WDFY3: variants seen among roughly 807,000 people sequenced by gnomAD.
WDFY3 encodes the protein WD repeat and FYVE domain containing 3, also known as WD repeat and FYVE domain-containing protein 3.
WDFY3 carries 66 observed loss-of-function variants against 409.6 expected under a neutral mutation model. The observed-to-expected ratio is 0.16, with a 90% CI of 0.13 to 0.20. WDFY3 has a LOEUF of 0.20. Among genes scored for constraint, WDFY3 ranks in the 10% least tolerant of loss-of-function variants. The probability of loss-of-function intolerance (pLI) is 1.00; values close to 1 mark genes in which losing one functional copy is unlikely to be tolerated. For synonymous variants in WDFY3, 1,521 were observed against 1,537.1 expected, an observed-to-expected ratio of 0.99 and a Z score of 0.25; for missense variants, 3,031 against 4,298.1, an observed-to-expected ratio of 0.71 and a Z score of 8.24.
chr4:84,891,105 C>T (rs963439643), intron 3 of WDFY3, among the ~76,000 whole-genome samples: 3 of 152,154 alleles, frequency 2.0e-5, no homozygotes, highest in African/African-American at 7.2e-5. Context: ...TGCCACCCTA[C>T]AACAGTCTCC....
At position 84,881,582 on chromosome 4, in the gene WDFY3, A is replaced by AC. The variant is rs1763538907; in HGVS notation, c.-32+15328_-32+15329insG. ...TAACTAGAATATGATCGTTACAATC[A>AC]TTAAAAAAAAAAAAGATTGTTAAGC... On this transcript the variant is annotated intron_variant, in intron 3 of 67. Transcript: ENST00000295888. Among the ~76,000 whole-genome samples the AC allele has an allele frequency of 6.3e-5, 8 of 126,430 alleles. 1 individual carries two copies. The highest frequency in any genetic ancestry group is 2.5e-4 in the African/African-American group (8 of 32,438). 82.9% of individuals were successfully genotyped at this position (126,430 alleles called of 152,430 possible).
chr4:84,758,670 T>C lies in WDFY3; in HGVS notation c.5189-1509A>G, dbSNP rs146013161. On this transcript the variant is annotated intron_variant, in intron 32 of 67. Coordinates refer to ENST00000295888, the MANE Select transcript of WDFY3 (RefSeq NM_014991.6). Reference sequence around the variant, plus strand: ...AGGTTGCTTTCAAAATATTTTATCCTAACCAATTCCTCAGTGTGACGTGAT... The same window carrying C: ...AGGTTGCTTTCAAAATATTTTATCCCAACCAATTCCTCAGTGTGACGTGAT... Among the ~76,000 whole-genome samples, 653 of 152,328 alleles carry C rather than the reference T, an allele frequency of 4.3e-3. 4 individuals carry two copies. Among genetic ancestry groups the C allele is most frequent in the African/African-American group, 0.015 (611 of 41,574 alleles).
chr4:84,789,673 C>G (rs952794190), intron 22 of WDFY3, 53 bp downstream of exon 22: 44 of 1,420,914 alleles, frequency 3.1e-5, no homozygotes, highest in Non-Finnish European at 4.1e-5. Context: ...ACACACACCC[C>G]CCAAACTACT....
At chr4:84,958,089 G>T (rs1260207174) in intron 1 of WDFY3, among the ~76,000 whole-genome samples, 1 of 152,178 alleles carries the variant, frequency 6.6e-6, no homozygotes, top group Middle Eastern at 3.2e-3. Context: ...TTGCGCATAA[G>T]ATTAGTGGAA....
At chr4:84,834,076 G>A (rs909360034) in intron 7 of WDFY3, among the ~76,000 whole-genome samples, 2 of 152,176 alleles carry the variant, frequency 1.3e-5, no homozygotes, top group African/African-American at 4.8e-5. Context: ...TATTCTCAGA[G>A]GGGTGTATTA....
chr4:84,909,872 C>A (rs1767535254), intron 2 of WDFY3, among the ~76,000 whole-genome samples: 1 of 152,244 alleles, frequency 6.6e-6, no homozygotes, highest in Non-Finnish European at 1.5e-5. Context: ...AAATAACCAA[C>A]AACTTGCTTG....
intron 63 of WDFY3, 193 bp from the exon 64 acceptor site, chr4:84,682,663 G>T (rs1344674207): frequency 5.2e-6 from 3 of 575,386 alleles, no homozygotes; most frequent in Non-Finnish European, 6.3e-6. Context: ...CAAAGTACAG[G>T]GAAAAAGATT....
intron 2 of WDFY3, among the ~76,000 whole-genome samples, chr4:84,916,270 C>G (rs1388681461): frequency 6.6e-6 from 1 of 152,090 alleles, no homozygotes; most frequent in Non-Finnish European, 1.5e-5. Context: ...ATAATGAATA[C>G]AGTTCTATGC....
At chr4:84,770,617 A>G (rs961109836) in intron 30 of WDFY3, among the ~76,000 whole-genome samples, 2 of 152,214 alleles carry the variant, frequency 1.3e-5, no homozygotes, top group African/African-American at 4.8e-5. Context: ...ATGCTAACTT[A>G]GTACCTTAAT....
intron 3 of WDFY3, among the ~76,000 whole-genome samples, chr4:84,869,189 T>A (rs1761842896): frequency 6.6e-6 from 1 of 152,196 alleles, no homozygotes; most frequent in African/African-American, 2.4e-5. Flanking sequence ...GATCTTGGCA[T>A]CATTAGGAAT....
intron 13 of WDFY3, 23 bp downstream of exon 13, chr4:84,817,369 G>A: frequency 6.2e-7 from 1 of 1,611,880 alleles, no homozygotes; most frequent in Middle Eastern, 1.7e-4. Flanking sequence ...GTAAAAGAAG[G>A]GAAACACATT....
At chr4:84,808,995 A>AT (rs1042661643) in intron 14 of WDFY3, 1 of 152,292 alleles carries the variant, frequency 6.6e-6, no homozygotes, top group African/African-American at 2.4e-5. Flanking sequence ...CACAAAACCT[A>AT]TTACAAGCTC....
intron 5 of WDFY3, among the ~76,000 whole-genome samples, chr4:84,842,859 G>C (rs1578775660): frequency 6.6e-6 from 1 of 152,154 alleles, no homozygotes; most frequent in Non-Finnish European, 1.5e-5. Flanking sequence ...TAAGATTTAG[G>C]TTATCTTAGA....
chr4:84,712,565 AC>A (rs1733104844), intron 51 of WDFY3, among the ~76,000 whole-genome samples: 3 of 151,772 alleles, frequency 2.0e-5, no homozygotes, highest in African/African-American at 7.3e-5. Flanking sequence ...TACTAAAAAT[AC>A]AAAAATTAGC....
At chr4:84,822,790 A>G (rs1754273295) in intron 10 of WDFY3, among the ~76,000 whole-genome samples, 1 of 152,170 alleles carries the variant, frequency 6.6e-6, no homozygotes, top group Non-Finnish European at 1.5e-5. Context: ...CAGGAAATTT[A>G]AAAAATCTCC....
In WDFY3 at chr4:84,679,058, G is replaced by C; in HGVS notation, c.10008C>G (p.Asp3336Glu). Reference sequence around the variant, plus strand: ...CGTCTTTCTCATCTAGACTGAGCTGGTCGGACCAGCGTCTGGAGTCGTCAG... The same window carrying C: ...CGTCTTTCTCATCTAGACTGAGCTGCTCGGACCAGCGTCTGGAGTCGTCAG... The part of the protein sequence containing the change: ...SGSDDSRRWS[D>E]QLSLDEKDGF... Residue 3336 changes from aspartate (D) to glutamate (E), a missense_variant, in exon 65 of 68, where the codon GAC (aspartate) becomes GAG (glutamate). Around this residue, in one of 16 missense-constraint regions of WDFY3, gnomAD observed 378 missense variants for 477.3 expected, o/e 0.79. Coordinates refer to ENST00000295888, the MANE Select transcript of WDFY3 (RefSeq NM_014991.6). 3 of 1,614,244 alleles carry C rather than the reference G, an allele frequency of 1.9e-6. No homozygotes were observed. Among genetic ancestry groups the C allele is most frequent in the Non-Finnish European group, 2.5e-6 (3 of 1,180,054 alleles).
chr4:84,677,893 G>A (rs1726591843), intron 66 of WDFY3, among the ~76,000 whole-genome samples: 2 of 144,422 alleles, frequency 1.4e-5, no homozygotes, highest in African/African-American at 5.2e-5. Flanking sequence ...AGCCTGGGAG[G>A]TTGAGGCTGC....
At chr4:84,699,673 G>GT (rs1350997247) in intron 56 of WDFY3, among the ~76,000 whole-genome samples, 2 of 152,102 alleles carry the variant, frequency 1.3e-5, no homozygotes, top group East Asian at 3.9e-4. Flanking sequence ...CACCAGCAAT[G>GT]TATGAGGGTT....
At chr4:84,778,750 T>TACACAC (rs956415022) in intron 26 of WDFY3, 95 bp from the exon 27 acceptor site, 8 of 1,239,662 alleles carry the variant, frequency 6.5e-6, no homozygotes, top group African/African-American at 1.5e-5. Context: ...AACACACACA[T>TACACAC]ACACACACAA....
Sources: allele counts gnomAD v4.1 joint callset (sites outside exome capture counted in the v4.1 genomes callset), GRCh38; gene constraint gnomAD v4.1.1; regional missense constraint gnomAD v4.1.1; transcripts MANE v1.5; gene names NCBI Gene and HGNC (gene_info 2026-07-23, HGNC 2026-07-21).